The following MCTP1 variants were observed in gnomAD, a reference collection of about 807,000 sequenced individuals.
MCTP1 encodes multiple C2 and transmembrane domain containing 1, also known as multiple C2 and transmembrane domain-containing protein 1.
Under a neutral mutation model 120.6 loss-of-function variants are expected in MCTP1, and 69 were observed. That is an observed-to-expected ratio of 0.57 (90% CI 0.47 to 0.70). The LOEUF (loss-of-function observed/expected upper bound fraction) is 0.70. MCTP1 is among the 30% of genes least tolerant of loss of function. MCTP1 has a pLI of 0.00. For synonymous variants in MCTP1, 529 were observed against 493.1 expected, an observed-to-expected ratio of 1.07 and a Z score of -0.96; for missense variants, 1,203 against 1,248.8, an observed-to-expected ratio of 0.96 and a Z score of 0.55.
intron 1 of MCTP1, among the ~76,000 whole-genome samples, chr5:95,222,775 A>G (rs1753824335): frequency 1.3e-5 from 2 of 152,276 alleles, no homozygotes; most frequent in African/African-American, 4.8e-5. Context: ...TAAACATTTT[A>G]GTCACATAAA....
At chr5:94,966,001 CTG>C (rs1157399244) in intron 2 of MCTP1, among the ~76,000 whole-genome samples, 2 of 152,164 alleles carry the variant, frequency 1.3e-5, no homozygotes, top group African/African-American at 4.8e-5. Context: ...AAATCTATAA[CTG>C]TGTATTTATA....
chr5:95,160,290 A>G (rs1745576843), intron 1 of MCTP1, among the ~76,000 whole-genome samples: 1 of 152,212 alleles, frequency 6.6e-6, no homozygotes, highest in African/African-American at 2.4e-5. Flanking sequence ...GCGCAGATAA[A>G]ATAGATCTTC....
chr5:94,737,645 CTT>C (rs2152734036), intron 19 of MCTP1, among the ~76,000 whole-genome samples: 1 of 152,302 alleles, frequency 6.6e-6, no homozygotes, highest in South Asian at 2.1e-4. Context: ...GTTATCAACT[CTT>C]TACTAAAAGA....
chr5:95,080,622 C>A (rs996898194), intron 1 of MCTP1, among the ~76,000 whole-genome samples: 18 of 152,040 alleles, frequency 1.2e-4, no homozygotes, highest in Non-Finnish European at 2.5e-4. Flanking sequence ...CTGTGGATAC[C>A]CAATACCACT....
intron 17 of MCTP1, among the ~76,000 whole-genome samples, chr5:94,803,549 C>A (rs1209969593): frequency 6.6e-6 from 1 of 152,202 alleles, no homozygotes; most frequent in Non-Finnish European, 1.5e-5. Context: ...ATTTGAGAAG[C>A]AATTAAGCCG....
intron 17 of MCTP1, among the ~76,000 whole-genome samples, chr5:94,809,726 A>G (rs1422076832): frequency 6.6e-6 from 1 of 152,170 alleles, no homozygotes; most frequent in Non-Finnish European, 1.5e-5. Context: ...AATTGATATT[A>G]TGTGGCCTGT....
At chr5:94,948,044 C>G (rs529392772) in intron 3 of MCTP1, among the ~76,000 whole-genome samples, 1 of 152,202 alleles carries the variant, frequency 6.6e-6, no homozygotes, top group African/African-American at 2.4e-5. Context: ...AAGGCAGTTT[C>G]AGAATAACCA....
intron 1 of MCTP1, among the ~76,000 whole-genome samples, chr5:95,105,506 T>C (rs1260926286): frequency 1.3e-5 from 2 of 152,132 alleles, no homozygotes; most frequent in African/African-American, 2.4e-5. Flanking sequence ...TTGTAACCCA[T>C]AGGAGTACAT....
At chr5:95,096,419 G>C (rs1250252642) in intron 1 of MCTP1, among the ~76,000 whole-genome samples, 1 of 152,084 alleles carries the variant, frequency 6.6e-6, no homozygotes, top group African/African-American at 2.4e-5. Context: ...CAGTTGGTAA[G>C]GACAGAGAGA....
intron 1 of MCTP1, among the ~76,000 whole-genome samples, chr5:95,252,929 A>T (rs371586036): frequency 6.6e-6 from 1 of 152,168 alleles, no homozygotes; most frequent in Non-Finnish European, 1.5e-5. Context: ...ATATAGCTCA[A>T]TTCTAACAAT....
chr5:94,979,329 T>C (rs1828877563), intron 2 of MCTP1: 2 of 152,302 alleles, frequency 1.3e-5, no homozygotes, highest in Non-Finnish European at 1.5e-5. Flanking sequence ...TTCCGAGGGC[T>C]ACAAGGAACC....
intron 12 of MCTP1, chr5:94,877,788 A>G (rs1488052021): frequency 6.6e-6 from 1 of 152,182 alleles, no homozygotes; most frequent in Non-Finnish European, 1.5e-5. Context: ...TGGTTTGAGC[A>G]TTAAAGTGAC....
Position 94,917,982 on chromosome 5 carries a change from AAATG to A in MCTP1, c.1273-13_1273-10del, listed in dbSNP as rs1370918243. 1.2e-6 allele frequency: 2 copies of A among 1,612,238 alleles called. No homozygotes were observed. The highest frequency in any genetic ancestry group is 1.7e-6 in the Non-Finnish European group (2 of 1,178,360). ...GCTGGCCTGCCGCACGTCTGGATGG[AAATG>A]AATGATCAGAGCTGTACGGGGAAGC... On this transcript the variant is annotated splice_polypyrimidine_tract_variant and intron_variant, in intron 7 of 22. Transcript: ENST00000515393.
Position 94,799,121 on chromosome 5 carries a change from A to G in MCTP1, c.2448T>C (p.Phe816=), listed in dbSNP as rs745749390. 9.3e-6 allele frequency: 15 copies of G among 1,611,436 alleles called. No individual in the cohort carries two copies. The East Asian group carries it at 2.0e-4, about 22-fold the overall frequency. The change falls in exon 18 of 23, where the codon TTT becomes TTC. Residue 816 remains phenylalanine (F), a synonymous_variant. Transcript: ENST00000515393. The part of the protein sequence containing the change: ...RSLAAFVLFL[F]VVWNFELYMI... ...TGTAGAGCTCAAAGTTCCAGACAAC[A>G]AAGAGAAAGAGCTGGAGGAGATAGA...
intron 11 of MCTP1, among the ~76,000 whole-genome samples, chr5:94,891,654 A>G (rs2153394110): frequency 6.6e-6 from 1 of 151,996 alleles, no homozygotes; most frequent in African/African-American, 2.4e-5. Context: ...TTATTGTTTG[A>G]AGGTTTCATT....
intron 8 of MCTP1, among the ~76,000 whole-genome samples, chr5:94,913,786 C>T (rs1809400047): frequency 6.6e-6 from 1 of 151,944 alleles, no homozygotes; most frequent in African/African-American, 2.4e-5. Flanking sequence ...CTCACTGTAA[C>T]CTCAAACTCC....
intron 1 of MCTP1, among the ~76,000 whole-genome samples, chr5:95,086,928 C>T (rs556828472): frequency 6.6e-6 from 1 of 152,270 alleles, no homozygotes; most frequent in African/African-American, 2.4e-5. Context: ...AGTACATTTG[C>T]AAACAATGCA....
intron 1 of MCTP1, among the ~76,000 whole-genome samples, chr5:95,186,178 A>C (rs971894975): frequency 3.3e-5 from 5 of 151,956 alleles, no homozygotes; most frequent in Admixed American, 1.3e-4. Context: ...AAAAAAAGAT[A>C]TTCAGACTGG....
intron 2 of MCTP1, among the ~76,000 whole-genome samples, chr5:94,988,740 A>G (rs1396871061): frequency 6.6e-6 from 1 of 151,996 alleles, no homozygotes; most frequent in Non-Finnish European, 1.5e-5. Context: ...GACATACCCG[A>G]GACTGGGGAA....
Sources: allele counts gnomAD v4.1 joint callset (sites outside exome capture counted in the v4.1 genomes callset), GRCh38; gene constraint gnomAD v4.1.1; transcripts MANE v1.5; gene names NCBI Gene and HGNC (gene_info 2026-07-23, HGNC 2026-07-21).